FSTL4: variants seen among roughly 807,000 people sequenced by gnomAD.
FSTL4 encodes the protein follistatin like 4, also known as follistatin-related protein 4.
Under a neutral mutation model 78.2 loss-of-function variants are expected in FSTL4, and 28 were observed. The observed-to-expected ratio is 0.36, with a 90% CI of 0.27 to 0.49. FSTL4 has a LOEUF of 0.49. Among genes scored for constraint, FSTL4 ranks in the 20% least tolerant of loss-of-function variants. FSTL4 has a pLI of 0.98. For synonymous variants in FSTL4, 422 were observed against 440.5 expected (o/e 0.96, Z 0.53); for missense variants, 922 against 1,084.9 (o/e 0.85, Z 2.11).
the FSTL4 span, among the ~76,000 whole-genome samples, chr5:133,803,453 G>T: frequency 1.3e-5 from 2 of 152,104 alleles, no homozygotes. Context: ...CCCACTACAG[G>T]CTTTTGTTTC....
chr5:133,684,210 C>T, the FSTL4 span, among the ~76,000 whole-genome samples: 105 of 152,284 alleles, frequency 6.9e-4, no homozygotes, highest in African/African-American at 2.2e-3. Context: ...CTGAAAGTGA[C>T]GGGTAAGCAA....
rs148965385 is a variant in FSTL4 at position 133,442,436 on chromosome 5, T to C, written c.161-41450A>G. 2.3e-4 allele frequency among the ~76,000 whole-genome samples: 35 copies of C among 152,354 alleles called. No individual in the cohort carries two copies. The East Asian group carries it at 6.2e-3, about 27-fold the overall frequency. ...TTGCATGGAGTCAGATCCATTTTTA[T>C]TGAGCCTTCTCTTCTGCAGCTTTTC... On this transcript the variant is annotated intron_variant, in intron 3 of 15. Coordinates refer to ENST00000265342, the MANE Select transcript of FSTL4 (RefSeq NM_015082.2).
chr5:133,644,504 G>A, the FSTL4 span, among the ~76,000 whole-genome samples: 1 of 152,062 alleles, frequency 6.6e-6, no homozygotes, highest in Non-Finnish European at 1.5e-5. Context: ...GGGCCCCAGA[G>A]TGACAACAGT....
At chr5:133,256,184 G>A (rs569546681) in intron 6 of FSTL4, among the ~76,000 whole-genome samples, 1 of 152,304 alleles carries the variant, frequency 6.6e-6, no homozygotes, top group East Asian at 1.9e-4. Context: ...TTGGGAATGA[G>A]GGCAATTTGG....
chr5:133,728,997 G>A, the FSTL4 span, among the ~76,000 whole-genome samples: 1 of 152,132 alleles, frequency 6.6e-6, no homozygotes, highest in East Asian at 1.9e-4. Flanking sequence ...ATGACCTTGG[G>A]GAACAGCTCT....
At chr5:133,520,316 C>G (rs952436106) in intron 3 of FSTL4, among the ~76,000 whole-genome samples, 3 of 151,880 alleles carry the variant, frequency 2.0e-5, no homozygotes, top group Non-Finnish European at 4.4e-5. Context: ...CTGCAGGCCT[C>G]TTCTCTTCAT....
At chr5:133,386,910 G>A (rs1372165151) in intron 4 of FSTL4, among the ~76,000 whole-genome samples, 3 of 152,212 alleles carry the variant, frequency 2.0e-5, no homozygotes, top group African/African-American at 7.2e-5. Flanking sequence ...TCAAAGACAA[G>A]ATGGGTGTAA....
chr5:133,840,214 G>A, the FSTL4 span, among the ~76,000 whole-genome samples: 3 of 152,156 alleles, frequency 2.0e-5, no homozygotes, highest in African/African-American at 4.8e-5. Flanking sequence ...AGAGACAATC[G>A]ACTCTTCCTC....
chr5:133,582,804 A>G (rs2112960132), intron 2 of FSTL4, among the ~76,000 whole-genome samples: 2 of 152,270 alleles, frequency 1.3e-5, no homozygotes. Flanking sequence ...TTCTGCAGGT[A>G]TAGATACCTC....
chr5:133,246,251 A>G (rs944730391), intron 7 of FSTL4, among the ~76,000 whole-genome samples: 1 of 152,164 alleles, frequency 6.6e-6, no homozygotes, highest in African/African-American at 2.4e-5. Context: ...CCTCAGGCTG[A>G]GGGACTCTGG....
intron 4 of FSTL4, among the ~76,000 whole-genome samples, chr5:133,383,377 C>T (rs536424578): frequency 6.6e-6 from 1 of 152,166 alleles, no homozygotes; most frequent in Non-Finnish European, 1.5e-5. Flanking sequence ...TAGAAACTCC[C>T]AACCAGAGAG....
In FSTL4 at chr5:133,517,380, A is replaced by G. The variant is rs192381794; in HGVS notation, c.160+49806T>C. Among the ~76,000 whole-genome samples, 523 of 133,366 alleles carry G rather than the reference A, an allele frequency of 3.9e-3. 3 individuals carry two copies. The highest frequency in any genetic ancestry group is 8.5e-3 in the Admixed American group (111 of 13,032). 87.5% of individuals were successfully genotyped at this position (133,366 alleles called of 152,430 possible). A position where few individuals can be genotyped will look rare whatever the true frequency, so the allele number is the denominator to read the frequency against. On this transcript the variant is annotated intron_variant, in intron 3 of 15. Transcript: ENST00000265342. ...GGAGGTTGCATTAAGCCGAGATCAT[A>G]CCCATGCATTCCAGCCTGGGCGACA...
At position 133,528,410 on chromosome 5, in the gene FSTL4, C is replaced by T. The variant is rs1177802556; in HGVS notation, c.160+38776G>A. ...TCCCTCCACCTGGCCCCTGCCCCAC[C>T]CTGCCCCACTGGGCCATCTCCTTCT... On this transcript the variant is annotated intron_variant, in intron 3 of 15. Coordinates refer to ENST00000265342, the MANE Select transcript of FSTL4 (RefSeq NM_015082.2). Among the ~76,000 whole-genome samples the T allele has an allele frequency of 2.6e-5, 4 of 151,992 alleles. No individual in the cohort carries two copies. The East Asian group carries it at 7.7e-4, about 29-fold the overall frequency.
the FSTL4 span, among the ~76,000 whole-genome samples, chr5:133,620,455 T>C: frequency 6.6e-6 from 1 of 152,218 alleles, no homozygotes; most frequent in Non-Finnish European, 1.5e-5. Context: ...TTTTATCAGA[T>C]GAATGCAATT....
chr5:133,448,551 A>G (rs1038555194), intron 3 of FSTL4, among the ~76,000 whole-genome samples: 4 of 152,220 alleles, frequency 2.6e-5, no homozygotes, highest in Non-Finnish European at 5.9e-5. Flanking sequence ...GGGCGGTAAC[A>G]ACAAAGTGAA....
chr5:133,632,679 G>GT, the FSTL4 span, among the ~76,000 whole-genome samples: 7,538 of 151,742 alleles, frequency 0.05, 602 homozygotes, highest in African/African-American at 0.17. Context: ...TTTTTTGTTT[G>GT]TTTTTTTTGT....
chr5:133,705,437 C>T, the FSTL4 span, among the ~76,000 whole-genome samples: 8 of 152,164 alleles, frequency 5.3e-5, no homozygotes, highest in Non-Finnish European at 1.0e-4. Flanking sequence ...CCACACACCT[C>T]CTTCTGGAAT....
the FSTL4 span, among the ~76,000 whole-genome samples, chr5:133,688,390 G>A: frequency 2.0e-5 from 3 of 152,158 alleles, no homozygotes; most frequent in Admixed American, 6.5e-5. Context: ...TCCAGCCTGG[G>A]TGACAGAACG....
At chr5:133,532,252 T>A (rs979618702) in intron 3 of FSTL4, among the ~76,000 whole-genome samples, 1 of 152,190 alleles carries the variant, frequency 6.6e-6, no homozygotes, top group East Asian at 1.9e-4. Flanking sequence ...CCTTAGAGCA[T>A]GTAGAAAGAA....
Sources: allele counts gnomAD v4.1 joint callset (sites outside exome capture counted in the v4.1 genomes callset), GRCh38; gene constraint gnomAD v4.1.1; transcripts MANE v1.5; gene names NCBI Gene and HGNC (gene_info 2026-07-23, HGNC 2026-07-21).